PTPRA: variants seen among roughly 807,000 people sequenced by gnomAD.
The protein encoded by PTPRA is receptor-type tyrosine-protein phosphatase alpha.
In PTPRA, 25 loss-of-function variants were observed where a neutral mutation model predicts 104.8. That is an observed-to-expected ratio of 0.24 (90% CI 0.17 to 0.33). The LOEUF (loss-of-function observed/expected upper bound fraction) is 0.33, where lower values mean the gene tolerates loss of function less well. Ranked by LOEUF, PTPRA falls within the 10% of genes least tolerant of loss-of-function variation. The pLI is 1.00. For synonymous variants in PTPRA, 323 were observed against 368.9 expected, an observed-to-expected ratio of 0.88 and a Z score of 1.43; for missense variants, 765 against 1,015.3, an observed-to-expected ratio of 0.75 and a Z score of 3.35.
At chr20:2,991,578 G>C (rs561692940) in intron 9 of PTPRA, among the ~76,000 whole-genome samples, 1 of 152,100 alleles carries the variant, frequency 6.6e-6, no homozygotes, top group African/African-American at 2.4e-5. Context: ...AGCATGAAAC[G>C]AATTATTTGT....
intron 9 of PTPRA, among the ~76,000 whole-genome samples, chr20:2,998,505 T>C (rs974686699): frequency 6.6e-6 from 1 of 151,980 alleles, no homozygotes; most frequent in African/African-American, 2.4e-5. Flanking sequence ...GTCCAGAGAG[T>C]TGGGAGTTTG....
chr20:2,902,438 T>C (rs1227552249), intron 1 of PTPRA, among the ~76,000 whole-genome samples: 1 of 152,204 alleles, frequency 6.6e-6, no homozygotes, highest in African/African-American at 2.4e-5. Flanking sequence ...TTCTCTCTTA[T>C]GCTGGTCCCA....
intron 6 of PTPRA, among the ~76,000 whole-genome samples, chr20:2,982,091 C>CTTTTTT (rs11475103): frequency 2.9e-5 from 4 of 136,604 alleles, no homozygotes; most frequent in Non-Finnish European, 3.1e-5. Context: ...TCTTCTTCTT[C>CTTTTTT]TTTTTTTTTT....
At chr20:2,975,126 T>C in intron 5 of PTPRA, 89 bp from the exon 6 acceptor site, 1 of 1,179,372 alleles carries the variant, frequency 8.5e-7, no homozygotes, top group Non-Finnish European at 1.2e-6. Context: ...GCATTCCTAA[T>C]CCTGGAGCTT....
the PTPRA span, chr20:2,866,015 T>C: frequency 1.3e-5 from 8 of 599,520 alleles, no homozygotes; most frequent in Non-Finnish European, 2.1e-5. Flanking sequence ...GACAGAGCTT[T>C]GGTTTAGGTG....
rs1169025892 is a variant in PTPRA at position 2,964,358 on chromosome 20, G to T, written c.73+8G>T. The T allele has an allele frequency of 6.3e-7, 1 of 1,582,054 alleles. No homozygotes were observed. The highest frequency in any genetic ancestry group is 1.2e-5 in the South Asian group (1 of 86,226). On this transcript the variant is annotated splice_region_variant and intron_variant, in intron 4 of 23. Transcript: ENST00000399903. ...CCAACAATGCTACCACAGGTAAATT[G>T]TCATTTGATAAGGCTGCTATTTGAA...
At chr20:3,012,285 A>T (rs149742897) in intron 11 of PTPRA, among the ~76,000 whole-genome samples, 1 of 152,316 alleles carries the variant, frequency 6.6e-6, no homozygotes, top group East Asian at 1.9e-4. Context: ...AGGAGGGGCC[A>T]ATTGGGGGCT....
intron 3 of PTPRA, among the ~76,000 whole-genome samples, chr20:2,952,354 A>G (rs1178767004): frequency 1.3e-5 from 2 of 151,966 alleles, no homozygotes; most frequent in African/African-American, 2.4e-5. Context: ...TTTCCCTTTC[A>G]TATATCTTCT....
At position 3,025,378 on chromosome 20, in the gene PTPRA, G is replaced by A. The variant is rs375636185; in HGVS notation, c.1614+757G>A. Among the ~76,000 whole-genome samples the A allele has an allele frequency of 6.7e-5, 10 of 149,454 alleles. No homozygotes were observed. In the East Asian group the frequency reaches 1.8e-3, roughly 27 times the overall value. On this transcript the variant is annotated intron_variant, in intron 17 of 23. Coordinates refer to ENST00000399903, the MANE Select transcript of PTPRA (RefSeq NM_001385305.1). ...TGAGGCGAGAGAATTGCTTGAACCC[G>A]GAAGGCAGAGGTTGCAGTGAGCCGA...
chr20:2,883,675 A>AAAAAAAAAAAAAAAAG lies in PTPRA; in HGVS notation c.-129+9918_-129+9919insAAAAAAAAAAAAGAAA. 4.4e-4 allele frequency among the ~76,000 whole-genome samples: 10 copies of AAAAAAAAAAAAAAAAG among 22,656 alleles called. 3 individuals are homozygous for AAAAAAAAAAAAAAAAG. The African/African-American group carries it at 1.0e-2, about 23-fold the overall frequency. The allele number at this position is 22,656 out of a possible 152,430, so 14.9% of individuals were successfully genotyped here. ...TCAAAAAAAAAAAAAAAAAAAAAAA[A>AAAAAAAAAAAAAAAAG]AAAGAAAGAAATGTGCAATGGTAGA... On this transcript the variant is annotated intron_variant, in intron 1 of 23. Coordinates refer to ENST00000399903, the MANE Select transcript of PTPRA (RefSeq NM_001385305.1).
At chr20:3,023,453 A>C (rs139852576) in intron 16 of PTPRA, among the ~76,000 whole-genome samples, 3 of 152,224 alleles carry the variant, frequency 2.0e-5, no homozygotes, top group Admixed American at 6.5e-5. Context: ...CCGATCGTAC[A>C]TTCTATTTAC....
chr20:2,932,689 G>T (rs970731674), intron 2 of PTPRA, among the ~76,000 whole-genome samples: 1 of 152,138 alleles, frequency 6.6e-6, no homozygotes, highest in African/African-American at 2.4e-5. Context: ...ACTGACATAG[G>T]AAACTGACAA....
chr20:2,918,316 A>C (rs1384484874), intron 1 of PTPRA, among the ~76,000 whole-genome samples: 1 of 152,174 alleles, frequency 6.6e-6, no homozygotes, highest in Non-Finnish European at 1.5e-5. Flanking sequence ...GTGCCCGGCT[A>C]CATACTCACT....
intron 1 of PTPRA, among the ~76,000 whole-genome samples, chr20:2,881,915 G>A (rs2090071550): frequency 1.3e-5 from 2 of 152,102 alleles, no homozygotes; most frequent in African/African-American, 2.4e-5. Context: ...CAGGAGAATC[G>A]CTTGAACCTG....
intron 3 of PTPRA, among the ~76,000 whole-genome samples, chr20:2,948,735 A>G (rs749285871): frequency 7.9e-5 from 12 of 151,892 alleles, no homozygotes; most frequent in Non-Finnish European, 1.5e-4. Context: ...GCGGATCACA[A>G]GGTCAGGAGA....
rs1307024847 is a variant in PTPRA, at chr20:2,975,250, C to T, written c.442+9C>T. 3 of 1,591,212 alleles carry T rather than the reference C, an allele frequency of 1.9e-6. No individual in the cohort carries two copies. Among genetic ancestry groups the T allele is most frequent in the African/African-American group, 1.3e-5 (1 of 74,456 alleles). On this transcript the variant is annotated intron_variant, in intron 6 of 23. Coordinates refer to ENST00000399903, the MANE Select transcript of PTPRA (RefSeq NM_001385305.1). The stretch of plus-strand genomic sequence containing the variant: ...CTCGAAGGACAGAAGAGGTGAGCTG[C>T]TCACCTTATATCTGTTGTTCCTTTT...
At chr20:2,926,099 T>C (rs2060283377) in intron 2 of PTPRA, among the ~76,000 whole-genome samples, 2 of 152,206 alleles carry the variant, frequency 1.3e-5, no homozygotes, top group Admixed American at 6.5e-5. Context: ...TCTTAATTCT[T>C]TTATTAATAA....
At chr20:3,030,380 C>T (rs370689011) in intron 20 of PTPRA, among the ~76,000 whole-genome samples, 3 of 152,228 alleles carry the variant, frequency 2.0e-5, no homozygotes, top group East Asian at 3.9e-4. Context: ...TAGTGCTTGC[C>T]CTCAAAAGCT....
upstream of PTPRA, among the ~76,000 whole-genome samples, chr20:2,869,145 G>A (rs1293927091): frequency 1.3e-5 from 2 of 152,050 alleles, no homozygotes; most frequent in Non-Finnish European, 2.9e-5. Flanking sequence ...GAACATTTGT[G>A]TAACTACCAC....
Sources: allele counts gnomAD v4.1 joint callset (sites outside exome capture counted in the v4.1 genomes callset), GRCh38; gene constraint gnomAD v4.1.1; transcripts MANE v1.5; gene names NCBI Gene and HGNC (gene_info 2026-07-23, HGNC 2026-07-21).